SNX8: variants seen among roughly 807,000 people sequenced by gnomAD.
The protein encoded by SNX8 is sorting nexin-8.
In SNX8, 25 loss-of-function variants were observed where a neutral mutation model predicts 51.6. The ratio of observed to expected loss-of-function variants is 0.48; its 90% CI spans 0.35 to 0.68. The LOEUF (loss-of-function observed/expected upper bound fraction) is 0.68. Ranked by LOEUF, SNX8 falls within the 30% of genes least tolerant of loss-of-function variation. The pLI is 0.00. For synonymous variants in SNX8, 324 were observed against 277.0 expected, an observed-to-expected ratio of 1.17 and a Z score of -1.68; for missense variants, 695 against 624.0, an observed-to-expected ratio of 1.11 and a Z score of -1.21.
chr7:2,284,396 C>T (rs1202780926), intron 1 of SNX8, among the ~76,000 whole-genome samples: 9 of 88,908 alleles, frequency 1.0e-4, no homozygotes, highest in East Asian at 3.6e-4. Context: ...CTTTTATTTC[C>T]TTTTTTTTTT....
chr7:2,276,642 TAAAA>T (rs34590431), intron 2 of SNX8, among the ~76,000 whole-genome samples: 4 of 128,430 alleles, frequency 3.1e-5, no homozygotes, highest in Admixed American at 2.3e-4. Flanking sequence ...ATTTGTACTT[TAAAA>T]AAAAAAAAAA....
chr7:2,322,878 G>A (rs994167059), intron 1 of SNX8, among the ~76,000 whole-genome samples: 2 of 150,786 alleles, frequency 1.3e-5, no homozygotes, highest in East Asian at 2.0e-4. Flanking sequence ...AAATCCGGGC[G>A]TGGTGGTGGG....
At chr7:2,293,808 C>G (rs1796209319) in intron 1 of SNX8, among the ~76,000 whole-genome samples, 1 of 148,592 alleles carries the variant, frequency 6.7e-6, no homozygotes, top group Non-Finnish European at 1.5e-5. Flanking sequence ...ACTAAAAATA[C>G]AAAAATTAGC....
chr7:2,324,183 G>A (rs988617064), intron 1 of SNX8, among the ~76,000 whole-genome samples: 2 of 151,852 alleles, frequency 1.3e-5, no homozygotes, highest in Admixed American at 6.6e-5. Context: ...AGTGGCTCAC[G>A]TCTGTAATCA....
intron 1 of SNX8, among the ~76,000 whole-genome samples, chr7:2,281,544 G>A (rs554925297): frequency 6.1e-4 from 93 of 152,154 alleles, no homozygotes; most frequent in African/African-American, 1.6e-3. Flanking sequence ...AGGAATAAAC[G>A]TTATGCTCAC....
chr7:2,301,191 C>T (rs142401929), intron 1 of SNX8, among the ~76,000 whole-genome samples: 2 of 152,318 alleles, frequency 1.3e-5, no homozygotes, highest in Non-Finnish European at 2.9e-5. Context: ...AGGGAAAGCT[C>T]CATGCCTACG....
intron 1 of SNX8, among the ~76,000 whole-genome samples, chr7:2,342,084 A>G (rs1368824380): frequency 6.6e-6 from 1 of 150,530 alleles, no homozygotes; most frequent in Non-Finnish European, 1.5e-5. Flanking sequence ...TCTCAGATGC[A>G]AGGAGAATCG....
rs1795216892 is a variant in SNX8, at chr7:2,257,461, C to T, written c.1038G>A (p.Leu346=). ...KGVLHKHQRA[L]HKYSLMKRQM... is the part of the protein sequence containing the mutation. ...GCCTCTTCATCAGGCTGTACTTGTG[C>T]AGGGCCCGCTGGTGCTTGTGCAACA... The change falls in exon 9 of 11, where the codon CTG becomes CTA. Residue 346 remains leucine, a synonymous_variant. Transcript: ENST00000222990. The T allele has an allele frequency of 6.2e-7, 1 of 1,608,652 alleles. No individual in the cohort carries two copies.
At chr7:2,283,626 C>G (rs1795958208) in intron 1 of SNX8, among the ~76,000 whole-genome samples, 1 of 152,218 alleles carries the variant, frequency 6.6e-6, no homozygotes, top group African/African-American at 2.4e-5. Context: ...GCTGCCAGTT[C>G]CCTAGAACGG....
intron 7 of SNX8, among the ~76,000 whole-genome samples, chr7:2,258,134 C>G (rs1198858970): frequency 6.6e-6 from 1 of 152,102 alleles, no homozygotes; most frequent in Non-Finnish European, 1.5e-5. Context: ...CCTCAGCCTC[C>G]CGAGTAGCTG....
In SNX8 at chr7:2,264,469, G is replaced by A; in HGVS notation, c.622-11C>T. On this transcript the variant is annotated splice_polypyrimidine_tract_variant and intron_variant, in intron 5 of 10. Transcript: ENST00000222990. ...AGCTGGGAGGAAGTCCTGACATCAT[G>A]ATGGGGGGAGAGACACTGTGTTAGT... 4.4e-6 allele frequency: 7 copies of A among 1,606,820 alleles called. No homozygotes were observed. The highest frequency in any genetic ancestry group is 5.9e-6 in the Non-Finnish European group (7 of 1,178,286).
chr7:2,352,766 G>T (rs1442766158), intron 1 of SNX8, among the ~76,000 whole-genome samples: 1 of 152,060 alleles, frequency 6.6e-6, no homozygotes, highest in Non-Finnish European at 1.5e-5. Context: ...AACCCGGGAG[G>T]TGGAGCTTGC....
At chr7:2,279,301 G>A (rs1451467379) in intron 1 of SNX8, among the ~76,000 whole-genome samples, 2 of 145,918 alleles carry the variant, frequency 1.4e-5, no homozygotes, top group South Asian at 2.2e-4. Context: ...AGTCGAAGCC[G>A]GACTCACTCA....
intron 1 of SNX8, among the ~76,000 whole-genome samples, chr7:2,320,211 C>T (rs924461888): frequency 3.3e-5 from 5 of 151,412 alleles, no homozygotes; most frequent in East Asian, 2.0e-4. Context: ...CAAAATTAGC[C>T]GGGCATGGTG....
intron 4 of SNX8, among the ~76,000 whole-genome samples, chr7:2,270,312 T>TAAAAA (rs1562429109): frequency 1.0e-3 from 3 of 2,884 alleles, no homozygotes; most frequent in Non-Finnish European, 4.3e-3. Flanking sequence ...ACTCTCATTT[T>TAAAAA]ACAAAAAAAA....
intron 1 of SNX8, among the ~76,000 whole-genome samples, chr7:2,309,585 G>T (rs1189280267): frequency 6.6e-6 from 1 of 152,124 alleles, no homozygotes; most frequent in Non-Finnish European, 1.5e-5. Context: ...TACAAAATTA[G>T]CCAGGTGTGG....
intron 1 of SNX8, among the ~76,000 whole-genome samples, chr7:2,344,033 C>T (rs1408664010): frequency 1.7e-5 from 1 of 58,958 alleles, no homozygotes; most frequent in East Asian, 4.6e-4. Context: ...AACTCCATCT[C>T]AAAAAAAAAA....
At chr7:2,267,960 C>A (rs1232071824) in intron 5 of SNX8, among the ~76,000 whole-genome samples, 1 of 137,622 alleles carries the variant, frequency 7.3e-6, no homozygotes. Flanking sequence ...GCCTCTGCCC[C>A]GCCGCCCCAT....
upstream of SNX8, among the ~76,000 whole-genome samples, chr7:2,315,352 T>C (rs1796737136): frequency 6.7e-6 from 1 of 148,772 alleles, no homozygotes; most frequent in African/African-American, 2.5e-5. Context: ...CATCCTGCAT[T>C]CACTCATTCA....
Sources: gnomAD v4.1 joint callset for allele counts (sites outside exome capture counted in the v4.1 genomes callset) on GRCh38, gnomAD v4.1.1 for gene constraint, MANE v1.5 for transcripts, NCBI Gene and HGNC (gene_info 2026-07-23, HGNC 2026-07-21) for gene names.